Variants in GPM6A observed in about 807,000 individuals in gnomAD.
GPM6A encodes the protein neuronal membrane glycoprotein M6-a.
GPM6A carries 7 observed loss-of-function variants against 32.1 expected under a neutral mutation model. The ratio of observed to expected loss-of-function variants is 0.22; its 90% CI spans 0.12 to 0.41. GPM6A has a LOEUF of 0.41. Ranked by LOEUF, GPM6A falls within the 10% of genes least tolerant of loss-of-function variation. GPM6A has a pLI of 1.00. For missense variants in GPM6A, 235 were observed against 347.2 expected (o/e 0.68, Z 2.57); for synonymous variants, 130 against 123.4 (o/e 1.05, Z -0.35).
At chr4:175,961,807 G>A (rs756095275) in intron 1 of GPM6A, among the ~76,000 whole-genome samples, 16 of 152,102 alleles carry the variant, frequency 1.1e-4, no homozygotes, top group East Asian at 1.9e-4. Context: ...ACCCAACCTC[G>A]AAGAAGGGAA....
chr4:175,997,315 G>C (rs1168999537), intron 1 of GPM6A, among the ~76,000 whole-genome samples: 1 of 152,142 alleles, frequency 6.6e-6, no homozygotes, highest in Non-Finnish European at 1.5e-5. Flanking sequence ...CTTCCGCTGA[G>C]GTTGGGACTC....
At chr4:175,921,330 T>C (rs1056825025) in intron 1 of GPM6A, among the ~76,000 whole-genome samples, 1 of 152,188 alleles carries the variant, frequency 6.6e-6, no homozygotes, top group Admixed American at 6.5e-5. Context: ...TTCACTTAAA[T>C]GTCAAATTTG....
chr4:175,786,941 T>C (rs2111264956), intron 1 of GPM6A: 1 of 166,400 alleles, frequency 6.0e-6, no homozygotes, highest in South Asian at 1.9e-4. Context: ...GAAAAATATC[T>C]GTGGTCTTCT....
At chr4:175,942,737 A>G (rs1310390895) in intron 1 of GPM6A, among the ~76,000 whole-genome samples, 1 of 152,046 alleles carries the variant, frequency 6.6e-6, no homozygotes, top group Non-Finnish European at 1.5e-5. Context: ...GTTGGTCTAT[A>G]TATCTGTTTT....
chr4:175,685,607 C>A (rs747937894), intron 2 of GPM6A, among the ~76,000 whole-genome samples: 4 of 152,156 alleles, frequency 2.6e-5, no homozygotes, highest in Non-Finnish European at 5.9e-5. Flanking sequence ...AAGTATCTCA[C>A]CCTGTTACCT....
At chr4:175,887,219 T>G (rs1393310887) in intron 1 of GPM6A, among the ~76,000 whole-genome samples, 1 of 151,940 alleles carries the variant, frequency 6.6e-6, no homozygotes, top group African/African-American at 2.4e-5. Flanking sequence ...GCCAAAAAAT[T>G]TATATAATGT....
rs1579324991 is a variant in GPM6A at position 175,637,522 on chromosome 4, T to G, written c.685-2465A>C. On this transcript the variant is annotated intron_variant, in intron 6 of 6. Coordinates refer to ENST00000393658, the MANE Select transcript of GPM6A (RefSeq NM_201591.3). ...TATATATAAAACCTTTATATTTTTA[T>G]ATATATAAAAATATACAATATATTA... Among the ~76,000 whole-genome samples the G allele has an allele frequency of 4.5e-3, 22 of 4,872 alleles. No homozygotes were observed. The South Asian group carries it at 0.13, about 28-fold the overall frequency. The allele number at this position is 4,872 out of a possible 152,430, so 3.2% of individuals were successfully genotyped here.
chr4:175,637,685 A>T (rs796737350), intron 6 of GPM6A, among the ~76,000 whole-genome samples: 2 of 79,282 alleles, frequency 2.5e-5, no homozygotes, highest in African/African-American at 1.1e-4. Context: ...ATATATATAT[A>T]ATATATAATA....
chr4:175,900,622 C>T (rs1007118453), intron 1 of GPM6A, among the ~76,000 whole-genome samples: 1 of 152,044 alleles, frequency 6.6e-6, no homozygotes, highest in African/African-American at 2.4e-5. Flanking sequence ...TAGGCAATAA[C>T]AAATGCTGGC....
At chr4:175,645,706 G>A (rs1351745372) in intron 4 of GPM6A, among the ~76,000 whole-genome samples, 1 of 152,132 alleles carries the variant, frequency 6.6e-6, no homozygotes, top group Non-Finnish European at 1.5e-5. Flanking sequence ...GGGCGACAGA[G>A]CAAGACTCCG....
chr4:175,771,314 T>C (rs1485885127), intron 1 of GPM6A, among the ~76,000 whole-genome samples: 1 of 152,154 alleles, frequency 6.6e-6, no homozygotes, highest in African/African-American at 2.4e-5. Flanking sequence ...GGCTGTTGCC[T>C]GTAATCCCAG....
intron 1 of GPM6A, among the ~76,000 whole-genome samples, chr4:175,965,271 C>A (rs1427802005): frequency 6.6e-6 from 1 of 151,738 alleles, no homozygotes; most frequent in Non-Finnish European, 1.5e-5. Flanking sequence ...AGCTATAAAT[C>A]GTAAAGACAG....
At chr4:175,796,850 C>T (rs1207876167) in intron 1 of GPM6A, among the ~76,000 whole-genome samples, 1 of 152,162 alleles carries the variant, frequency 6.6e-6, no homozygotes, top group Non-Finnish European at 1.5e-5. Context: ...GTGCTACCCC[C>T]AGGAATTAAA....
At chr4:175,923,916 T>C (rs950935607) in intron 1 of GPM6A, among the ~76,000 whole-genome samples, 19 of 152,180 alleles carry the variant, frequency 1.2e-4, no homozygotes, top group Admixed American at 6.5e-4. Context: ...CTTGATATCA[T>C]AAGACAACAA....
chr4:175,900,196 C>G (rs1737913798), intron 1 of GPM6A, among the ~76,000 whole-genome samples: 1 of 150,902 alleles, frequency 6.6e-6, no homozygotes, highest in Non-Finnish European at 1.5e-5. Flanking sequence ...TCTCTTGAAC[C>G]CAAGAGGCGG....
chr4:175,802,971 A>G (rs576547978), intron 1 of GPM6A, among the ~76,000 whole-genome samples: 1 of 152,278 alleles, frequency 6.6e-6, no homozygotes, highest in East Asian at 1.9e-4. Flanking sequence ...TTCAAATCTA[A>G]TGACATAAAA....
In GPM6A at chr4:175,634,883, T is replaced by C. The variant is rs966948066; in HGVS notation, c.*22A>G. On this transcript the variant is annotated 3_prime_UTR_variant, in exon 7 of 7. Coordinates refer to ENST00000393658, the MANE Select transcript of GPM6A (RefSeq NM_201591.3). ...GTTAAACACCAATGCATTCAAATGG[T>C]AGAAAGAACAGGAAGATGCATTTAT... The C allele has an allele frequency of 3.1e-6, 5 of 1,606,220 alleles. No individual in the cohort carries two copies. The highest frequency in any genetic ancestry group is 4.3e-6 in the Non-Finnish European group (5 of 1,174,228).
At chr4:175,768,650 G>A (rs1045054860) in intron 1 of GPM6A, among the ~76,000 whole-genome samples, 1 of 151,988 alleles carries the variant, frequency 6.6e-6, no homozygotes, top group African/African-American at 2.4e-5. Flanking sequence ...TATAAGAGTA[G>A]TTTATGCATT....
chr4:175,847,908 C>T (rs768063922), intron 1 of GPM6A, among the ~76,000 whole-genome samples: 2 of 152,120 alleles, frequency 1.3e-5, no homozygotes, highest in African/African-American at 4.8e-5. Context: ...CTCTGATCAA[C>T]GTCAACCAGG....
Sources: allele counts gnomAD v4.1 joint callset (sites outside exome capture counted in the v4.1 genomes callset), GRCh38; gene constraint gnomAD v4.1.1; transcripts MANE v1.5; gene names NCBI Gene and HGNC (gene_info 2026-07-23, HGNC 2026-07-21).